The following JARID2 variants were observed in gnomAD, a reference collection of about 807,000 sequenced individuals.
JARID2 encodes the protein protein Jumonji.
Under a neutral mutation model 125.6 loss-of-function variants are expected in JARID2, and 21 were observed. That is an observed-to-expected ratio of 0.17 (90% CI 0.12 to 0.24). The LOEUF (loss-of-function observed/expected upper bound fraction) is 0.24. JARID2 is among the 10% of genes least tolerant of loss of function. JARID2 has a pLI of 1.00. For missense variants in JARID2, 1,303 were observed against 1,639.6 expected (o/e 0.79, Z 3.55); for synonymous variants, 736 against 661.6 (o/e 1.11, Z -1.73).
intron 6 of JARID2, among the ~76,000 whole-genome samples, chr6:15,492,773 C>T (rs894858215): frequency 6.6e-5 from 10 of 152,182 alleles, no homozygotes; most frequent in African/African-American, 2.2e-4. Flanking sequence ...GCCAGTGACA[C>T]TTGCCTTTTT....
intron 4 of JARID2, among the ~76,000 whole-genome samples, chr6:15,456,893 T>TC (rs1233469261): frequency 6.7e-6 from 1 of 149,922 alleles, no homozygotes. Flanking sequence ...TTTTTTTTTT[T>TC]TTTTTACAAT....
intron 1 of JARID2, among the ~76,000 whole-genome samples, chr6:15,288,385 C>T (rs1203392714): frequency 6.6e-6 from 1 of 152,170 alleles, no homozygotes; most frequent in African/African-American, 2.4e-5. Flanking sequence ...ATTGCTAGGA[C>T]AGCACCAAGC....
chr6:15,501,467 A>T, intron 8 of JARID2, 58 bp downstream of exon 8: 1 of 1,477,914 alleles, frequency 6.8e-7, no homozygotes, highest in Admixed American at 2.3e-5. Context: ...GGAATGAGAG[A>T]GGAAGTGGAG....
chr6:15,270,699 G>A (rs932042928), intron 1 of JARID2, among the ~76,000 whole-genome samples: 8 of 152,152 alleles, frequency 5.3e-5, no homozygotes, highest in African/African-American at 1.9e-4. Context: ...TGTAATCCCA[G>A]CACTTTGGGA....
intron 1 of JARID2, among the ~76,000 whole-genome samples, chr6:15,302,753 G>A (rs1181546659): frequency 1.3e-5 from 2 of 151,906 alleles, no homozygotes; most frequent in Non-Finnish European, 2.9e-5. Flanking sequence ...TTTATTTTTT[G>A]AGATGGAGTC....
intron 1 of JARID2, among the ~76,000 whole-genome samples, chr6:15,339,154 G>C (rs1762981952): frequency 6.6e-6 from 1 of 152,112 alleles, no homozygotes; most frequent in South Asian, 2.1e-4. Context: ...TTTCAGGTGT[G>C]CATAATGGAA....
chr6:15,356,605 T>C (rs1561811112), intron 1 of JARID2, among the ~76,000 whole-genome samples: 1 of 152,210 alleles, frequency 6.6e-6, no homozygotes, highest in African/African-American at 2.4e-5. Flanking sequence ...AAGAAATGTA[T>C]TATAGTTTTA....
At chr6:15,513,846 C>T (rs1456127295) in intron 16 of JARID2, among the ~76,000 whole-genome samples, 1 of 152,250 alleles carries the variant, frequency 6.6e-6, no homozygotes, top group Non-Finnish European at 1.5e-5. Context: ...GGCCCATGGC[C>T]TCTGCCCTTT....
chr6:15,359,181 G>A (rs914806371), intron 1 of JARID2, among the ~76,000 whole-genome samples: 2 of 152,342 alleles, frequency 1.3e-5, no homozygotes, highest in Non-Finnish European at 1.5e-5. Flanking sequence ...ACCACAGTGT[G>A]TAGGTATAGC....
intron 1 of JARID2, among the ~76,000 whole-genome samples, chr6:15,313,555 C>G (rs1762084612): frequency 6.6e-6 from 1 of 152,176 alleles, no homozygotes; most frequent in African/African-American, 2.4e-5. Flanking sequence ...CTGTTCACAT[C>G]TACGCAGGCT....
At chr6:15,301,930 G>A (rs573250477) in intron 1 of JARID2, among the ~76,000 whole-genome samples, 2 of 152,190 alleles carry the variant, frequency 1.3e-5, no homozygotes, top group South Asian at 2.1e-4. Flanking sequence ...TGAATTTTAC[G>A]TTGGTATGTG....
chr6:15,254,783 T>C (rs1378750278), intron 1 of JARID2, among the ~76,000 whole-genome samples: 1 of 152,246 alleles, frequency 6.6e-6, no homozygotes, highest in East Asian at 1.9e-4. Flanking sequence ...CTCATGCCCG[T>C]AATCCCAGCA....
chr6:15,279,141 T>C (rs1760656985), intron 1 of JARID2, among the ~76,000 whole-genome samples: 1 of 134,462 alleles, frequency 7.4e-6, no homozygotes, highest in Non-Finnish European at 1.5e-5. Context: ...AAAATTCATA[T>C]ATACATATAT....
At chr6:15,471,708 A>C (rs1769085786) in intron 5 of JARID2, among the ~76,000 whole-genome samples, 2 of 152,202 alleles carry the variant, frequency 1.3e-5, no homozygotes, top group Admixed American at 1.3e-4. Flanking sequence ...TTTTAATGTT[A>C]AGAATCATCA....
intron 3 of JARID2, among the ~76,000 whole-genome samples, chr6:15,429,482 T>G (rs1332120252): frequency 6.6e-6 from 1 of 152,130 alleles, no homozygotes; most frequent in African/African-American, 2.4e-5. Context: ...CCTGGGCTGG[T>G]TGCGAACTCC....
At chr6:15,469,895 G>A (rs1768986487) in intron 5 of JARID2, among the ~76,000 whole-genome samples, 1 of 152,112 alleles carries the variant, frequency 6.6e-6, no homozygotes, top group African/African-American at 2.4e-5. Context: ...AAAGAGGAAA[G>A]AGGCTGGGCG....
intron 1 of JARID2, among the ~76,000 whole-genome samples, chr6:15,360,553 G>T (rs1763757527): frequency 6.6e-6 from 1 of 152,090 alleles, no homozygotes. Flanking sequence ...CTCAATCATA[G>T]CTCACTGTAA....
At chr6:15,423,393 T>C (rs547246600) in intron 3 of JARID2, among the ~76,000 whole-genome samples, 2 of 152,296 alleles carry the variant, frequency 1.3e-5, no homozygotes, top group South Asian at 4.1e-4. Flanking sequence ...TGGGAAGAAT[T>C]GTGCAACTAC....
intron 3 of JARID2, among the ~76,000 whole-genome samples, chr6:15,433,842 T>G (rs1340520774): frequency 6.6e-6 from 1 of 151,994 alleles, no homozygotes; most frequent in Non-Finnish European, 1.5e-5. Context: ...TGGCTGACAA[T>G]AATGCAATAT....
Sources: allele counts gnomAD v4.1 joint callset (sites outside exome capture counted in the v4.1 genomes callset), GRCh38; gene constraint gnomAD v4.1.1; transcripts MANE v1.5; gene names NCBI Gene and HGNC (gene_info 2026-07-23, HGNC 2026-07-21).